Variants in HORMAD1 observed in about 807,000 individuals in gnomAD.
HORMAD1 encodes the protein HORMA domain containing 1.
Under a neutral mutation model 58.2 loss-of-function variants are expected in HORMAD1, and 33 were observed. The observed-to-expected ratio is 0.57, with a 90% CI of 0.43 to 0.76. The LOEUF is 0.76. Among genes scored for constraint, HORMAD1 ranks in the 30% least tolerant of loss-of-function variants. The pLI is 0.00. For missense variants in HORMAD1, 363 were observed against 462.0 expected (o/e 0.79, Z 1.96); for synonymous variants, 137 against 144.6 (o/e 0.95, Z 0.38).
intron 3 of HORMAD1, among the ~76,000 whole-genome samples, chr1:150,715,076 T>A (rs1435271401): frequency 6.6e-6 from 1 of 151,992 alleles, no homozygotes; most frequent in Non-Finnish European, 1.5e-5. Flanking sequence ...TGAGCCACCT[T>A]GCCCAGCACA....
chr1:150,714,018 TA>T, intron 5 of HORMAD1, 66 bp downstream of exon 5: 1 of 1,001,278 alleles, frequency 1.0e-6, no homozygotes, highest in Admixed American at 2.1e-5. Flanking sequence ...TACTACATCA[TA>T]ACTCCAGTTA....
chr1:150,714,905 C>T (rs113630801), intron 3 of HORMAD1, among the ~76,000 whole-genome samples: 2,259 of 152,056 alleles, frequency 0.015, 48 homozygotes, highest in African/African-American at 0.052. Flanking sequence ...CCCACCTCAG[C>T]CTCCCCAGTA....
chr1:150,715,268 C>T lies in HORMAD1; in HGVS notation c.179-590G>A, dbSNP rs75387976. ...TCCATGAAATTAGATATGTTGCTTT[C>T]ATGCCATTGTTATACAAGAATCTTA... On this transcript the variant is annotated intron_variant, in intron 3 of 14. Transcript: ENST00000361824. 9.7e-3 allele frequency among the ~76,000 whole-genome samples: 1,475 copies of T among 152,212 alleles called. 70 individuals are homozygous for T. The highest frequency in any genetic ancestry group is 0.068 in the Admixed American group (1,044 of 15,272).
At chr1:150,717,503 TTTTAA>T (rs1652118266) in intron 2 of HORMAD1, among the ~76,000 whole-genome samples, 1 of 128,246 alleles carries the variant, frequency 7.8e-6, no homozygotes, top group African/African-American at 2.7e-5. Context: ...TCTAAAAATC[TTTTAA>T]TTTTTTTTTT....
intron 3 of HORMAD1, 138 bp from the exon 4 acceptor site, chr1:150,714,816 C>T (rs1358370753): frequency 2.5e-6 from 1 of 399,274 alleles, no homozygotes; most frequent in African/African-American, 2.1e-5. Context: ...GACAGGGTCT[C>T]ACTCTATCAC....
chr1:150,717,354 T>C, intron 2 of HORMAD1, 72 bp from the exon 3 acceptor site: 6 of 976,638 alleles, frequency 6.1e-6, no homozygotes, highest in East Asian at 2.8e-5. Context: ...ACTTAACATA[T>C]ATCCAATTTT....
At chr1:150,706,853 G>A in intron 9 of HORMAD1, 44 bp from the exon 10 acceptor site, 2 of 1,478,920 alleles carry the variant, frequency 1.4e-6, no homozygotes, top group Non-Finnish European at 1.8e-6. Flanking sequence ...TGAAATTAAA[G>A]AAAATATAAT....
At chr1:150,704,846 C>G (rs1281320735) in intron 10 of HORMAD1, among the ~76,000 whole-genome samples, 1 of 151,240 alleles carries the variant, frequency 6.6e-6, no homozygotes, top group Non-Finnish European at 1.5e-5. Flanking sequence ...AGTTGGAGAC[C>G]AGCCTGGCTA....
At position 150,704,112 on chromosome 1, in the gene HORMAD1, T is replaced by G. The variant is rs974736304; in HGVS notation, c.948+6A>C. ...CAAAAGTGAGATGAAACTATCAAGT[T>G]TATACCTGAGAATGAGAAATAGAAA... On this transcript the variant is annotated splice_donor_region_variant and intron_variant, in intron 12 of 14. Transcript: ENST00000361824. 2 of 1,563,454 alleles carry G rather than the reference T, an allele frequency of 1.3e-6. No homozygotes were observed. Among genetic ancestry groups the G allele is most frequent in the African/African-American group, 2.8e-5 (2 of 72,398 alleles).
At chr1:150,709,626 C>G (rs1037168503) in intron 7 of HORMAD1, among the ~76,000 whole-genome samples, 8 of 151,202 alleles carry the variant, frequency 5.3e-5, no homozygotes, top group African/African-American at 1.9e-4. Flanking sequence ...TCCCCCAGCC[C>G]GACACCCATA....
At chr1:150,698,855 T>C (rs1557793590) in intron 14 of HORMAD1, 121 bp from the exon 15 acceptor site, 1 of 564,100 alleles carries the variant, frequency 1.8e-6, no homozygotes, top group Non-Finnish European at 3.2e-6. Context: ...CTAGCATACC[T>C]AGCATAACTA....
At chr1:150,705,128 T>A (rs1055521214) in intron 10 of HORMAD1, among the ~76,000 whole-genome samples, 1 of 152,162 alleles carries the variant, frequency 6.6e-6, no homozygotes, top group Non-Finnish European at 1.5e-5. Context: ...GAAATAAAAG[T>A]GTTCCTAGAA....
intron 7 of HORMAD1, among the ~76,000 whole-genome samples, chr1:150,710,645 A>G (rs754763833): frequency 4.6e-5 from 7 of 152,242 alleles, no homozygotes; most frequent in Non-Finnish European, 1.0e-4. Context: ...CTTTGTCAGC[A>G]TGGATACATA....
intron 14 of HORMAD1, 33 bp from the exon 15 acceptor site, chr1:150,698,767 AC>A (rs139837908): frequency 0.41 from 490,933 of 1,206,360 alleles, 102,101 homozygotes; most frequent in South Asian, 0.54. Flanking sequence ...AAGAATAGAT[AC>A]TTTCCTGTTT....
intron 12 of HORMAD1, 80 bp downstream of exon 12, chr1:150,704,038 A>C: frequency 1.1e-6 from 1 of 877,808 alleles, no homozygotes. Flanking sequence ...GAATAAGAAA[A>C]TCTGAAAAAT....
At chr1:150,708,214 A>G (rs1353241399) in intron 9 of HORMAD1, 42 bp downstream of exon 9, 1 of 1,400,540 alleles carries the variant, frequency 7.1e-7, no homozygotes, top group Non-Finnish European at 9.5e-7. Flanking sequence ...ATAATGATAA[A>G]ACATATGTAC....
At chr1:150,714,799 A>G in intron 3 of HORMAD1, 121 bp from the exon 4 acceptor site, 1 of 412,446 alleles carries the variant, frequency 2.4e-6, no homozygotes, top group Non-Finnish European at 4.3e-6. Context: ...AATTATTATT[A>G]TTTTGAGACA....
intron 7 of HORMAD1, among the ~76,000 whole-genome samples, chr1:150,710,081 A>G (rs900244546): frequency 1.8e-4 from 27 of 152,268 alleles, no homozygotes; most frequent in Non-Finnish European, 3.1e-4. Context: ...GGTCCTTGGT[A>G]TGCTGAGCGC....
rs114209498 is a variant in HORMAD1, at chr1:150,717,627, A to T, written c.34-345T>A. The stretch of plus-strand genomic sequence containing the variant: ...CCATTGGATGCAAGTTGATGGGCAC[A>T]AAGTATTTCATTAAAAAAGTATAGG... On this transcript the variant is annotated intron_variant, in intron 2 of 14. Coordinates refer to ENST00000361824, the MANE Select transcript of HORMAD1 (RefSeq NM_032132.5). 5.9e-3 allele frequency among the ~76,000 whole-genome samples: 905 copies of T among 152,274 alleles called. 15 individuals are homozygous for T. Among genetic ancestry groups the T allele is most frequent in the African/African-American group, 0.02 (842 of 41,556 alleles).
Sources: gnomAD v4.1 joint callset for allele counts (sites outside exome capture counted in the v4.1 genomes callset) on GRCh38, gnomAD v4.1.1 for gene constraint, MANE v1.5 for transcripts, NCBI Gene and HGNC (gene_info 2026-07-23, HGNC 2026-07-21) for gene names.